The following MLYCD variants were observed in gnomAD, a reference collection of about 807,000 sequenced individuals.
MLYCD encodes the protein malonyl-CoA decarboxylase, mitochondrial.
Under a neutral mutation model 35.8 loss-of-function variants are expected in MLYCD, and 27 were observed. That is an observed-to-expected ratio of 0.75 (90% CI 0.56 to 1.04). The LOEUF (loss-of-function observed/expected upper bound fraction) is 1.04. Among genes scored for constraint, MLYCD ranks in the 50% least tolerant of loss-of-function variants. The pLI is 0.00. For synonymous variants in MLYCD, 403 were observed against 302.4 expected (o/e 1.33, Z -3.45); for missense variants, 917 against 665.1 (o/e 1.38, Z -4.17).
rs556228149 is a variant in MLYCD at position 83,915,707 on chromosome 16, C to A, written c.*218C>A. On this transcript the variant is annotated 3_prime_UTR_variant, in exon 5 of 5. Coordinates refer to ENST00000262430, the MANE Select transcript of MLYCD (RefSeq NM_012213.3). ...AGACGGTTGTGGGTGCGGGTGCACACAAATGAGTGGGTTGCTGTGCTGTCT... is the reference window on the plus strand; with the variant it reads ...AGACGGTTGTGGGTGCGGGTGCACAAAAATGAGTGGGTTGCTGTGCTGTCT... The A allele has an allele frequency of 3.8e-4, 550 of 1,435,104 alleles. 3 individuals carry two copies. The highest frequency in any genetic ancestry group is 2.5e-4 in the Non-Finnish European group (270 of 1,094,466). The allele number at this position is 1,435,104 out of a possible 1,614,324, so 88.9% of individuals were successfully genotyped here.
At chr16:83,903,018 T>C (rs1906852597) in intron 1 of MLYCD, among the ~76,000 whole-genome samples, 2 of 152,206 alleles carry the variant, frequency 1.3e-5, no homozygotes, top group African/African-American at 4.8e-5. Flanking sequence ...AGTTGGTTGA[T>C]GACTTCAGTT....
In MLYCD at chr16:83,915,453, C is replaced by A. The variant is rs776016440; in HGVS notation, c.1446C>A (p.Ser482Arg). ...TCAAAGCCTCTGAGCAGGTCCTCAGCCTAGTGGCCCAGTTTCAAAAGAACA... is the reference window on the plus strand; with the variant it reads ...TCAAAGCCTCTGAGCAGGTCCTCAGACTAGTGGCCCAGTTTCAAAAGAACA... ...KIIKASEQVL[S>R]LVAQFQKNSK... The change falls in exon 5 of 5, where the codon AGC (serine) becomes AGA (arginine). Residue 482 changes from serine (S) to arginine (R), a missense_variant. Transcript: ENST00000262430. The A allele has an allele frequency of 6.2e-7, 1 of 1,613,174 alleles. No individual in the cohort carries two copies. The highest frequency in any genetic ancestry group is 8.5e-7 in the Non-Finnish European group (1 of 1,180,026).
In MLYCD at chr16:83,899,172, G is replaced by A. The variant is rs1330704801; in HGVS notation, c.28G>A (p.Ala10Thr). ...GCGAGGCTTCGGGCCAGGCTTGACG[G>A]CCAGGCGTCTCCTCCCGCTGCGGTT... The part of the protein sequence containing the change: MRGFGPGLT[A>T]RRLLPLRLPP... Residue 10 changes from alanine to threonine, a missense_variant, in exon 1 of 5, where the codon GCC (alanine) becomes ACC (threonine). Ala to Thr is a moderately conservative substitution (Grantham distance 58, BLOSUM62 0). Transcript: ENST00000262430. 7 of 1,165,616 alleles carry A rather than the reference G, an allele frequency of 6.0e-6. No homozygotes were observed. Among genetic ancestry groups the A allele is most frequent in the South Asian group, 3.4e-5 (1 of 29,556 alleles). 72.2% of individuals were successfully genotyped at this position (1,165,616 alleles called of 1,614,324 possible).
intron 1 of MLYCD, among the ~76,000 whole-genome samples, chr16:83,901,287 C>T (rs1318793766): frequency 6.6e-6 from 1 of 152,204 alleles, no homozygotes; most frequent in Non-Finnish European, 1.5e-5. Context: ...ATAGTACTTG[C>T]AGTATATCAT....
At chr16:83,909,196 A>G (rs920913267) in intron 3 of MLYCD, among the ~76,000 whole-genome samples, 2 of 152,196 alleles carry the variant, frequency 1.3e-5, no homozygotes, top group Admixed American at 6.5e-5. Context: ...ATGAAAATTC[A>G]GAATGTGCAT....
In MLYCD at chr16:83,912,124, C is replaced by G. The variant is rs999658829; in HGVS notation, c.799-94C>G. On this transcript the variant is annotated intron_variant, in intron 3 of 4. Transcript: ENST00000262430. ...GAGGTCTCTTCCAGCTCCTTCAGTGCTCTGAGAATTGTCTTCTCGTCCCAG... is the reference window on the plus strand; with the variant it reads ...GAGGTCTCTTCCAGCTCCTTCAGTGGTCTGAGAATTGTCTTCTCGTCCCAG... The G allele has an allele frequency of 2.2e-5, 34 of 1,557,864 alleles. No homozygotes were observed. In the African/African-American group the frequency reaches 4.1e-4, roughly 19 times the overall value.
intron 4 of MLYCD, 88 bp from the exon 5 acceptor site, chr16:83,914,868 T>C: frequency 6.4e-7 from 1 of 1,565,498 alleles, no homozygotes; most frequent in Non-Finnish European, 8.8e-7. Context: ...ATGTGAGCCG[T>C]AGGTTAAGAG....
At chr16:83,905,570 G>A (rs572374279) in intron 1 of MLYCD, among the ~76,000 whole-genome samples, 8 of 152,264 alleles carry the variant, frequency 5.3e-5, no homozygotes, top group South Asian at 2.1e-4. Context: ...AAGCCACGTC[G>A]TGGCCCAGGA....
rs1359176148 is a variant in MLYCD, at chr16:83,899,385, A to G, written c.241A>G (p.Thr81Ala). 7.2e-6 allele frequency: 11 copies of G among 1,527,768 alleles called. No individual in the cohort carries two copies. The South Asian group carries it at 1.2e-4, about 17-fold the overall frequency. The allele number at this position is 1,527,768 out of a possible 1,614,324, so 94.6% of individuals were successfully genotyped here. ...GAGCTTCTACGGTGGGCTGGCCGAG[A>G]CGGCCCAGCGGGCCGAACTGCTGGG... ...FVSFYGGLAE[T>A]AQRAELLGRL... The change falls in exon 1 of 5, where the codon ACG becomes GCG. Residue 81 changes from threonine to alanine, a missense_variant. Coordinates refer to ENST00000262430, the MANE Select transcript of MLYCD (RefSeq NM_012213.3).
Position 83,915,970 on chromosome 16 carries a change from G to T in MLYCD, c.*481G>T. On this transcript the variant is annotated 3_prime_UTR_variant, in exon 5 of 5. Coordinates refer to ENST00000262430, the MANE Select transcript of MLYCD (RefSeq NM_012213.3). Reference sequence around the variant, plus strand: ...CACCATGCAATGCAGAGGGACAAAGGGCTGTGCTACACTTCCCAGTTACAT... The same window carrying T: ...CACCATGCAATGCAGAGGGACAAAGTGCTGTGCTACACTTCCCAGTTACAT... 1 of 1,042,666 alleles carries T rather than the reference G, an allele frequency of 9.6e-7. No homozygotes were observed. Among genetic ancestry groups the T allele is most frequent in the Non-Finnish European group, 1.2e-6 (1 of 863,340 alleles). 64.6% of individuals were successfully genotyped at this position (1,042,666 alleles called of 1,614,324 possible).
chr16:83,911,270 GC>G (rs1193544104), intron 3 of MLYCD, among the ~76,000 whole-genome samples: 3 of 152,194 alleles, frequency 2.0e-5, no homozygotes, highest in African/African-American at 7.2e-5. Context: ...GAGCCACCGC[GC>G]CCGGCCTCCA....
Position 83,915,375 on chromosome 16 carries a change from C to T in MLYCD, c.1368C>T (p.Tyr456=), listed in dbSNP as rs780368214. The change falls in exon 5 of 5, where the codon TAC becomes TAT. Residue 456 remains tyrosine, a synonymous_variant. Transcript: ENST00000262430. ...GSCGLMANYR[Y]FLEETGPNST... is the part of the protein sequence containing the mutation. ...GCGGCCTGATGGCCAACTACCGCTACTTCCTGGAGGAGACGGGCCCCAACA... is the reference window on the plus strand; with the variant it reads ...GCGGCCTGATGGCCAACTACCGCTATTTCCTGGAGGAGACGGGCCCCAACA... The T allele has an allele frequency of 2.0e-5, 33 of 1,613,770 alleles. No individual in the cohort carries two copies. The South Asian group carries it at 3.2e-4, about 16-fold the overall frequency.
intron 4 of MLYCD, chr16:83,914,129 A>T (rs946176205): frequency 2.6e-5 from 4 of 152,116 alleles, no homozygotes; most frequent in African/African-American, 9.7e-5. Context: ...TCTGTCATTA[A>T]TTTTTTCAAA....
rs1906709764 is a variant in MLYCD, at chr16:83,899,658, G to A, written c.514G>A (p.Gly172Arg). The change falls in exon 1 of 5, where the codon GGG becomes AGG. Residue 172 changes from glycine to arginine, a missense_variant. Gly to Arg is a moderately radical substitution (Grantham distance 125). Coordinates refer to ENST00000262430, the MANE Select transcript of MLYCD (RefSeq NM_012213.3). Reference protein sequence around the residue: ...LEAQALKLVEGPDVREMNGVL... With the variant: ...LEAQALKLVERPDVREMNGVL... Reference sequence around the variant, plus strand: ...GGCGCAGGCCCTCAAGCTGGTGGAGGGGCCGGACGTCCGGGTAAGGGGCCG... The same window carrying A: ...GGCGCAGGCCCTCAAGCTGGTGGAGAGGCCGGACGTCCGGGTAAGGGGCCG... 3.3e-6 allele frequency: 5 copies of A among 1,531,140 alleles called. No individual in the cohort carries two copies. Among genetic ancestry groups the A allele is most frequent in the South Asian group, 1.2e-5 (1 of 84,202 alleles). The allele number at this position is 1,531,140 out of a possible 1,614,324, so 94.8% of individuals were successfully genotyped here. A position where few individuals can be genotyped will look rare whatever the true frequency, so the allele number is the denominator to read the frequency against.
At position 83,915,583 on chromosome 16, in the gene MLYCD, C is replaced by T; in HGVS notation, c.*94C>T. The T allele has an allele frequency of 6.4e-7, 1 of 1,550,780 alleles. No individual in the cohort carries two copies. Among genetic ancestry groups the T allele is most frequent in the South Asian group, 1.2e-5 (1 of 85,138 alleles). ...TATGTATCTGAAGCAGCTTTCCAAG[C>T]AAAGCCAAAGTTGACTGTGTTCTTG... On this transcript the variant is annotated 3_prime_UTR_variant, in exon 5 of 5. Coordinates refer to ENST00000262430, the MANE Select transcript of MLYCD (RefSeq NM_012213.3).
chr16:83,920,881 GGATGGATGGAAGGAAGGAA>G lies in MLYCD; in HGVS notation c.*5403_*5421del, dbSNP rs1028608366. 3 of 151,496 alleles carry G rather than the reference GGATGGATGGAAGGAAGGAA, an allele frequency of 2.0e-5. No homozygotes were observed. The highest frequency in any genetic ancestry group is 4.4e-5 in the Non-Finnish European group (3 of 67,996). 9.4% of individuals were successfully genotyped at this position (151,496 alleles called of 1,614,324 possible). A position where few individuals can be genotyped will look rare whatever the true frequency, so the allele number is the denominator to read the frequency against. ...AGCAGGTCCTCAATGAACATTAGATGGATGGATGGAAGGAAGGAAGATGGATGGATGGATGGATGGATGG... is the reference window on the plus strand; with the variant it reads ...AGCAGGTCCTCAATGAACATTAGATGGATGGATGGATGGATGGATGGATGG... On this transcript the variant is annotated 3_prime_UTR_variant, in exon 5 of 5. Coordinates refer to ENST00000262430, the MANE Select transcript of MLYCD (RefSeq NM_012213.3).
chr16:83,916,680 CTG>C lies in MLYCD; in HGVS notation c.*1196_*1197del, dbSNP rs71148867. 22,047 of 125,746 alleles carry C rather than the reference CTG, an allele frequency of 0.18. 2,450 individuals are homozygous for C. The highest frequency in any genetic ancestry group is 0.36 in the East Asian group (1,289 of 3,628). 7.8% of individuals were successfully genotyped at this position (125,746 alleles called of 1,614,324 possible). The stretch of plus-strand genomic sequence containing the variant: ...CATCTCTGTGTGTGTCAGTGCACGT[CTG>C]TGTGCGTGTGCACGAGCGTCTCTGT... On this transcript the variant is annotated 3_prime_UTR_variant, in exon 5 of 5. Transcript: ENST00000262430.
rs886866381 is a variant in MLYCD at position 83,919,509 on chromosome 16, CAGAACACACAGGGCACAGG to C, written c.*4032_*4050del. 2.0e-5 allele frequency: 3 copies of C among 147,278 alleles called. No individual in the cohort carries two copies. Among genetic ancestry groups the C allele is most frequent in the Admixed American group, 6.8e-5 (1 of 14,684 alleles). The allele number at this position is 147,278 out of a possible 1,614,324, so 9.1% of individuals were successfully genotyped here. A position where few individuals can be genotyped will look rare whatever the true frequency, so the allele number is the denominator to read the frequency against. ...TGCACAGGAGAGAACACACAGTGCA[CAGAACACACAGGGCACAGG>C]AGAACACACAGTGCACAGGAGAACA... On this transcript the variant is annotated 3_prime_UTR_variant, in exon 5 of 5. Transcript: ENST00000262430.
At position 83,915,239 on chromosome 16, in the gene MLYCD, A is replaced by C; in HGVS notation, c.1232A>C (p.His411Pro). ...GCCTGGTACCTGTATGGAGAGAAGC[A>C]CCGCGGCTACGCGCTGAACCCCGTG... ...LCAWYLYGEK[H>P]RGYALNPVAN... Residue 411 changes from histidine (H) to proline (P), a missense_variant, in exon 5 of 5, where the codon CAC becomes CCC. His to Pro is a moderately conservative substitution (Grantham distance 77). Coordinates refer to ENST00000262430, the MANE Select transcript of MLYCD (RefSeq NM_012213.3). 1 of 1,613,264 alleles carries C rather than the reference A, an allele frequency of 6.2e-7. No homozygotes were observed. Among genetic ancestry groups the C allele is most frequent in the Non-Finnish European group, 8.5e-7 (1 of 1,179,280 alleles).
Sources: allele counts gnomAD v4.1 joint callset (sites outside exome capture counted in the v4.1 genomes callset), GRCh38; gene constraint gnomAD v4.1.1; transcripts MANE v1.5; gene names NCBI Gene and HGNC (gene_info 2026-07-23, HGNC 2026-07-21).